The following HEMK2 variants were observed in gnomAD, a reference collection of about 807,000 sequenced individuals.
HEMK2 encodes the protein HemK methyltransferase 2, ETF1 glutamine and histone H4 lysine, also known as methyltransferase HEMK2.
the HEMK2 span, among the ~76,000 whole-genome samples, chr21:28,620,655 C>CTTTTTTTTTT: frequency 1.5e-5 from 1 of 65,538 alleles, no homozygotes; most frequent in Non-Finnish European, 2.9e-5. Flanking sequence ...ATTCTTCTCT[C>CTTTTTTTTTT]TTTTCTTTTT....
chr21:28,831,639 GAAAGAAA>G, the HEMK2 span, among the ~76,000 whole-genome samples: 1 of 21,258 alleles, frequency 4.7e-5, no homozygotes, highest in East Asian at 1.5e-3. Flanking sequence ...AGGAAGGAAA[GAAAGAAA>G]GAAAGAAAGA....
chr21:28,721,739 C>T, the HEMK2 span, among the ~76,000 whole-genome samples: 2 of 152,180 alleles, frequency 1.3e-5, no homozygotes, highest in African/African-American at 4.8e-5. Flanking sequence ...TATTACTTTA[C>T]ATATATTAAC....
the HEMK2 span, among the ~76,000 whole-genome samples, chr21:28,720,213 A>G: frequency 6.6e-6 from 1 of 152,240 alleles, no homozygotes; most frequent in East Asian, 1.9e-4. Context: ...AAATAGAAAC[A>G]CACATAAGGT....
At chr21:28,737,651 A>C in the HEMK2 span, among the ~76,000 whole-genome samples, 4 of 152,144 alleles carry the variant, frequency 2.6e-5, no homozygotes, top group African/African-American at 7.2e-5. Context: ...TGCCTTAGAA[A>C]TGTGCACCAA....
At chr21:28,700,060 C>A in the HEMK2 span, among the ~76,000 whole-genome samples, 1 of 152,174 alleles carries the variant, frequency 6.6e-6, no homozygotes, top group Admixed American at 6.5e-5. Flanking sequence ...CCCTGGCCAA[C>A]ACAGTGTTTG....
the HEMK2 span, among the ~76,000 whole-genome samples, chr21:28,668,623 A>G: frequency 6.6e-6 from 1 of 152,234 alleles, no homozygotes; most frequent in Non-Finnish European, 1.5e-5. Flanking sequence ...ACAAGGAAGT[A>G]CATGCCTCCT....
At chr21:28,604,366 C>A in the HEMK2 span, among the ~76,000 whole-genome samples, 1 of 152,086 alleles carries the variant, frequency 6.6e-6, no homozygotes, top group African/African-American at 2.4e-5. Flanking sequence ...ACCTATGTAT[C>A]AAACCTGCAC....
the HEMK2 span, among the ~76,000 whole-genome samples, chr21:28,710,692 A>G: frequency 6.6e-6 from 1 of 152,326 alleles, no homozygotes; most frequent in African/African-American, 2.4e-5. Flanking sequence ...GCAGTGGAGA[A>G]TGGAATGAAA....
chr21:28,859,091 T>G, the HEMK2 span, among the ~76,000 whole-genome samples: 10,042 of 152,242 alleles, frequency 0.066, 385 homozygotes, highest in Middle Eastern at 0.088. Flanking sequence ...TTGTTGGTTG[T>G]TTGTTATTTC....
At chr21:28,722,620 G>A in the HEMK2 span, among the ~76,000 whole-genome samples, 5 of 152,180 alleles carry the variant, frequency 3.3e-5, no homozygotes, top group Non-Finnish European at 7.4e-5. Context: ...GGTGGCTCAC[G>A]CCTGTAATCC....
At chr21:28,613,344 C>T in the HEMK2 span, among the ~76,000 whole-genome samples, 28 of 152,068 alleles carry the variant, frequency 1.8e-4, no homozygotes, top group Non-Finnish European at 3.8e-4. Context: ...ATACCTCCCT[C>T]CATAATGTAA....
chr21:28,643,512 T>C, the HEMK2 span, among the ~76,000 whole-genome samples: 4 of 151,968 alleles, frequency 2.6e-5, no homozygotes, highest in Non-Finnish European at 5.9e-5. Context: ...ACCCCTTCTC[T>C]AGAGAAAAAA....
At chr21:28,595,942 G>T in the HEMK2 span, among the ~76,000 whole-genome samples, 1 of 151,334 alleles carries the variant, frequency 6.6e-6, no homozygotes, top group African/African-American at 2.4e-5. Flanking sequence ...CTGCCACCAG[G>T]CCCAGCTAAT....
chr21:28,804,765 G>A, the HEMK2 span, among the ~76,000 whole-genome samples: 4 of 152,072 alleles, frequency 2.6e-5, no homozygotes, highest in Admixed American at 2.0e-4. Flanking sequence ...ACATTAGACG[G>A]GCCACATGGC....
the HEMK2 span, among the ~76,000 whole-genome samples, chr21:28,648,354 G>T: frequency 3.3e-5 from 5 of 152,166 alleles, no homozygotes; most frequent in African/African-American, 7.2e-5. Context: ...TGTATGGGGT[G>T]TTTTGGCTCA....
the HEMK2 span, among the ~76,000 whole-genome samples, chr21:28,853,448 A>G: frequency 6.6e-6 from 1 of 152,136 alleles, no homozygotes; most frequent in African/African-American, 2.4e-5. Flanking sequence ...GTCCATTCCC[A>G]TGACTGTTGT....
chr21:28,635,660 G>T, the HEMK2 span, among the ~76,000 whole-genome samples: 1 of 151,956 alleles, frequency 6.6e-6, no homozygotes. Flanking sequence ...CCTCATAATA[G>T]CTCCAGGAGG....
chr21:28,661,640 G>A, the HEMK2 span, among the ~76,000 whole-genome samples: 1 of 151,900 alleles, frequency 6.6e-6, no homozygotes, highest in Admixed American at 6.6e-5. Flanking sequence ...TGGTTCTAAT[G>A]AAGTTCTTTT....
the HEMK2 span, chr21:28,577,282 C>T: frequency 3.9e-5 from 6 of 152,192 alleles, no homozygotes; most frequent in Non-Finnish European, 5.9e-5. Context: ...TACTCCACAA[C>T]ATACTTCTTC....
Sources: gnomAD v4.1 joint callset for allele counts (sites outside exome capture counted in the v4.1 genomes callset) on GRCh38, gnomAD v4.1.1 for gene constraint, MANE v1.5 for transcripts, NCBI Gene and HGNC (gene_info 2026-07-23, HGNC 2026-07-21) for gene names.